Variants in AKAP6 observed in about 807,000 individuals in gnomAD.
AKAP6 encodes the protein A-kinase anchoring protein 6, also known as A-kinase anchor protein 6.
Under a neutral mutation model 188.5 loss-of-function variants are expected in AKAP6, and 58 were observed. That is an observed-to-expected ratio of 0.31 (90% CI 0.25 to 0.38). The LOEUF is 0.38. Among genes scored for constraint, AKAP6 ranks in the 10% least tolerant of loss-of-function variants. The probability of loss-of-function intolerance (pLI) is 1.00; values close to 1 mark genes in which losing one functional copy is unlikely to be tolerated. For synonymous variants in AKAP6, 989 were observed against 998.6 expected (o/e 0.99, Z 0.18); for missense variants, 2,710 against 2,740.0 (o/e 0.99, Z 0.24).
At chr14:32,693,073 A>T (rs1425659279) in intron 8 of AKAP6, among the ~76,000 whole-genome samples, 1 of 152,094 alleles carries the variant, frequency 6.6e-6, no homozygotes, top group Non-Finnish European at 1.5e-5. Context: ...GATTTACATG[A>T]TCTTGTAATT....
chr14:32,429,565 C>G (rs1190452870), intron 1 of AKAP6, among the ~76,000 whole-genome samples: 4 of 152,118 alleles, frequency 2.6e-5, no homozygotes, highest in Non-Finnish European at 5.9e-5. Flanking sequence ...GTAGTAATTG[C>G]TTTTCATGAA....
intron 12 of AKAP6, 152 bp from the exon 13 acceptor site, chr14:32,821,250 A>C: frequency 1.4e-6 from 1 of 702,904 alleles, no homozygotes; most frequent in East Asian, 2.9e-5. Flanking sequence ...GTGTTATTTC[A>C]GAGAGGAATA....
chr14:32,814,502 T>C (rs2034327891), intron 12 of AKAP6, among the ~76,000 whole-genome samples: 1 of 152,186 alleles, frequency 6.6e-6, no homozygotes, highest in African/African-American at 2.4e-5. Context: ...AATCATACAA[T>C]ATATGACTTT....
At position 32,724,990 on chromosome 14, in the gene AKAP6, T is replaced by TAAAAAAAAAAAAAAAAAAAAAAA. The variant is rs71432079; in HGVS notation, c.3001-7459_3001-7437dup. On this transcript the variant is annotated intron_variant, in intron 9 of 13. Coordinates refer to ENST00000280979, the MANE Select transcript of AKAP6 (RefSeq NM_004274.5). ...GGCTTTGTGTCATTTATATTCAACC[T>TAAAAAAAAAAAAAAAAAAAAAAA]AAAAAAAAAAAAAAAAAAAAAAAAA... is the stretch of plus-strand genomic sequence containing the variant. 2.0e-4 allele frequency among the ~76,000 whole-genome samples: 7 copies of TAAAAAAAAAAAAAAAAAAAAAAA among 34,914 alleles called. 1 individual carries two copies. The highest frequency in any genetic ancestry group is 3.3e-4 in the Non-Finnish European group (7 of 21,060). 22.9% of individuals were successfully genotyped at this position (34,914 alleles called of 152,430 possible).
intron 7 of AKAP6, among the ~76,000 whole-genome samples, chr14:32,661,503 A>G (rs1185843717): frequency 2.0e-5 from 3 of 152,100 alleles, no homozygotes; most frequent in Non-Finnish European, 4.4e-5. Flanking sequence ...AGGCAGTGGG[A>G]GCAGAGAGTT....
intron 9 of AKAP6, among the ~76,000 whole-genome samples, chr14:32,728,368 ATCT>A (rs2030990496): frequency 6.6e-6 from 1 of 151,442 alleles, no homozygotes. Context: ...CTATCTATCT[ATCT>A]ATCTATCTAT....
intron 2 of AKAP6, among the ~76,000 whole-genome samples, chr14:32,505,714 A>T (rs1880837484): frequency 6.6e-6 from 1 of 152,138 alleles, no homozygotes; most frequent in Non-Finnish European, 1.5e-5. Flanking sequence ...ATAAATAGAG[A>T]TGATTCTACT....
chr14:32,796,497 T>C (rs1473944239), intron 12 of AKAP6, among the ~76,000 whole-genome samples: 2 of 152,154 alleles, frequency 1.3e-5, no homozygotes, highest in Non-Finnish European at 2.9e-5. Flanking sequence ...AACCATCTGA[T>C]CTTGGACAAA....
chr14:32,529,112 G>C (rs1304324299), intron 2 of AKAP6, among the ~76,000 whole-genome samples: 1 of 152,152 alleles, frequency 6.6e-6, no homozygotes, highest in African/African-American at 2.4e-5. Context: ...CAGAAACATG[G>C]AATACCACTG....
At chr14:32,704,953 G>C (rs571547007) in intron 9 of AKAP6, among the ~76,000 whole-genome samples, 3 of 152,130 alleles carry the variant, frequency 2.0e-5, no homozygotes, top group East Asian at 1.9e-4. Flanking sequence ...GGGCTAAAAG[G>C]TACCTAGGTA....
chr14:32,555,457 AATATG>A lies in AKAP6; in HGVS notation c.2346+8463_2346+8467del, dbSNP rs544902756. ...TCTGAGTTTTCTTTATTGTGGTAAAAATATGATATAACAAAATGTGCTATCTTAAC... is the reference window on the plus strand; with the variant it reads ...TCTGAGTTTTCTTTATTGTGGTAAAAATATAACAAAATGTGCTATCTTAAC... On this transcript the variant is annotated intron_variant, in intron 4 of 13. Transcript: ENST00000280979. Among the ~76,000 whole-genome samples the A allele has an allele frequency of 2.6e-5, 4 of 152,348 alleles. No individual in the cohort carries two copies. In the East Asian group the frequency reaches 7.7e-4, roughly 29 times the overall value.
At chr14:32,713,706 AT>A (rs2030022115) in intron 9 of AKAP6, among the ~76,000 whole-genome samples, 1 of 152,030 alleles carries the variant, frequency 6.6e-6, no homozygotes, top group African/African-American at 2.4e-5. Flanking sequence ...CTTAGCCTTC[AT>A]AGAATTAAAA....
intron 12 of AKAP6, among the ~76,000 whole-genome samples, chr14:32,797,958 A>G (rs1024123271): frequency 2.0e-5 from 3 of 151,868 alleles, no homozygotes; most frequent in African/African-American, 7.2e-5. Flanking sequence ...CAGAGCAAAC[A>G]ACCTACAGAA....
At chr14:32,469,289 A>G (rs890673478) in intron 2 of AKAP6, among the ~76,000 whole-genome samples, 13 of 152,210 alleles carry the variant, frequency 8.5e-5, no homozygotes, top group African/African-American at 2.9e-4. Flanking sequence ...CCTCCTTGGT[A>G]TGCCAGTGTA....
chr14:32,649,853 G>T (rs1888136988), intron 7 of AKAP6, among the ~76,000 whole-genome samples: 1 of 152,144 alleles, frequency 6.6e-6, no homozygotes, highest in African/African-American at 2.4e-5. Flanking sequence ...ATGGTTTTAA[G>T]TCAGTTTAAC....
At chr14:32,712,804 C>A (rs540161308) in intron 9 of AKAP6, among the ~76,000 whole-genome samples, 26 of 152,152 alleles carry the variant, frequency 1.7e-4, no homozygotes, top group African/African-American at 5.5e-4. Context: ...GTGTTGAACC[C>A]CTCAGTCATC....
chr14:32,772,941 A>G (rs972494101), intron 11 of AKAP6, among the ~76,000 whole-genome samples: 1 of 152,276 alleles, frequency 6.6e-6, no homozygotes, highest in Non-Finnish European at 1.5e-5. Context: ...TGTACCCACT[A>G]TTTTGCTTGA....
intron 7 of AKAP6, among the ~76,000 whole-genome samples, chr14:32,661,677 G>A (rs1427079183): frequency 6.6e-6 from 1 of 152,088 alleles, no homozygotes; most frequent in Non-Finnish European, 1.5e-5. Context: ...TGGAAATCAT[G>A]GTTTCAGGAC....
chr14:32,711,580 C>T lies in AKAP6; in HGVS notation c.3000+15470C>T, dbSNP rs369855367. On this transcript the variant is annotated intron_variant, in intron 9 of 13. Coordinates refer to ENST00000280979, the MANE Select transcript of AKAP6 (RefSeq NM_004274.5). The stretch of plus-strand genomic sequence containing the variant: ...CTTCGCCATGATTCAGTCCCACTCT[C>T]ATAGGTATACAGAGTTAACTGATCT... Among the ~76,000 whole-genome samples, 28 of 152,194 alleles carry T rather than the reference C, an allele frequency of 1.8e-4. No homozygotes were observed. In the East Asian group the frequency reaches 4.1e-3, roughly 22 times the overall value.
Sources: allele counts gnomAD v4.1 joint callset (sites outside exome capture counted in the v4.1 genomes callset), GRCh38; gene constraint gnomAD v4.1.1; transcripts MANE v1.5; gene names NCBI Gene and HGNC (gene_info 2026-07-23, HGNC 2026-07-21).